The following YLPM1 variants were observed in gnomAD, a reference collection of about 807,000 sequenced individuals.
YLPM1 encodes YLP motif containing 1.
In YLPM1, 99 loss-of-function variants were observed where a neutral mutation model predicts 230.0. The observed-to-expected ratio is 0.43, with a 90% CI of 0.37 to 0.51. The LOEUF is 0.51. Among genes scored for constraint, YLPM1 ranks in the 20% least tolerant of loss-of-function variants. YLPM1 has a pLI of 0.00. For missense variants in YLPM1, 2,592 were observed against 2,707.7 expected, an observed-to-expected ratio of 0.96 and a Z score of 0.95; for synonymous variants, 984 against 942.5, an observed-to-expected ratio of 1.04 and a Z score of -0.81.
At chr14:74,830,876 C>T (rs761156589) in intron 19 of YLPM1, among the ~76,000 whole-genome samples, 4 of 152,158 alleles carry the variant, frequency 2.6e-5, no homozygotes, top group Non-Finnish European at 4.4e-5. Context: ...CTCCATGACC[C>T]AAACACCTTC....
Position 74,763,990 on chromosome 14 carries a change from A to G in YLPM1, c.501A>G (p.Pro167=). 1 of 1,420,322 alleles carries G rather than the reference A, an allele frequency of 7.0e-7. No homozygotes were observed. 88.0% of individuals were successfully genotyped at this position (1,420,322 alleles called of 1,614,324 possible). A position where few individuals can be genotyped will look rare whatever the true frequency, so the allele number is the denominator to read the frequency against. The stretch of plus-strand genomic sequence containing the variant: ...CCCCATCTCAGTCTTACATGCCCCC[A>G]CCTCAGCCGCCACCCTCTTACTACC... The part of the protein sequence containing the change: ...YMPPSQSYMP[P]PQPPPSYYPP... The change falls in exon 1 of 21, where the codon CCA becomes CCG. Residue 167 remains proline, a synonymous_variant. Transcript: ENST00000325680.
At chr14:74,816,394 C>A in intron 12 of YLPM1, 129 bp downstream of exon 12, 1 of 1,271,184 alleles carries the variant, frequency 7.9e-7, no homozygotes, top group Non-Finnish European at 1.1e-6. Flanking sequence ...ACAGTTGGCC[C>A]ATGTGGTAGA....
At chr14:74,777,399 C>A (rs903805685) in intron 1 of YLPM1, among the ~76,000 whole-genome samples, 1 of 151,372 alleles carries the variant, frequency 6.6e-6, no homozygotes, top group Non-Finnish European at 1.5e-5. Flanking sequence ...AACCCCATCT[C>A]TACTAAAAAT....
At chr14:74,787,557 G>A (rs1480424428) in intron 4 of YLPM1, among the ~76,000 whole-genome samples, 1 of 151,352 alleles carries the variant, frequency 6.6e-6, no homozygotes, top group Non-Finnish European at 1.5e-5. Context: ...GTGACAGAGC[G>A]AGAACGAGAT....
In YLPM1 at chr14:74,816,499, G is replaced by C. The variant is rs148984963; in HGVS notation, c.5566-72G>C. 1.7e-4 allele frequency: 255 copies of C among 1,520,410 alleles called. 3 individuals carry two copies. The African/African-American group carries it at 2.7e-3, about 16-fold the overall frequency. The allele number at this position is 1,520,410 out of a possible 1,614,324, so 94.2% of individuals were successfully genotyped here. A position where few individuals can be genotyped will look rare whatever the true frequency, so the allele number is the denominator to read the frequency against. ...AAGATTGTATATTATTTAGCCACAAGAGGGAACTTTGGTGTGAACATTAAT... is the reference window on the plus strand; with the variant it reads ...AAGATTGTATATTATTTAGCCACAACAGGGAACTTTGGTGTGAACATTAAT... On this transcript the variant is annotated intron_variant, in intron 12 of 20. Coordinates refer to ENST00000325680, the MANE Select transcript of YLPM1 (RefSeq NM_019589.3).
intron 11 of YLPM1, among the ~76,000 whole-genome samples, 161 bp downstream of exon 11, chr14:74,812,943 T>C (rs955090889): frequency 6.6e-5 from 10 of 152,228 alleles, no homozygotes; most frequent in African/African-American, 2.4e-4. Context: ...ATAAATGGCC[T>C]ACACTATAGA....
Position 74,764,102 on chromosome 14 carries a change from C to T in YLPM1, c.613C>T (p.Pro205Ser), listed in dbSNP as rs547801601. 6.2e-7 allele frequency: 1 copy of T among 1,613,430 alleles called. No individual in the cohort carries two copies. The highest frequency in any genetic ancestry group is 2.2e-5 in the East Asian group (1 of 44,858). Reference sequence around the variant, plus strand: ...TTCCCAATCCTACCTGGCGCCCACCCCTTCTTACTCATCCTCCTCCTCTTC... The same window carrying T: ...TTCCCAATCCTACCTGGCGCCCACCTCTTCTTACTCATCCTCCTCCTCTTC... Reference protein sequence around the residue: ...PPSQSYLAPTPSYSSSSSSSQ... With the variant: ...PPSQSYLAPTSSYSSSSSSSQ... The change falls in exon 1 of 21, where the codon CCT (proline) becomes TCT (serine). Residue 205 changes from proline (P) to serine (S), a missense_variant. By Grantham distance (74) the Pro-to-Ser change is moderately conservative. Transcript: ENST00000325680.
At chr14:74,783,475 G>A (rs2091115659) in intron 4 of YLPM1, among the ~76,000 whole-genome samples, 1 of 152,140 alleles carries the variant, frequency 6.6e-6, no homozygotes, top group Non-Finnish European at 1.5e-5. Flanking sequence ...TTACAGAAAA[G>A]TGTAGAAAAA....
chr14:74,795,039 CA>C lies in YLPM1; in HGVS notation c.2283-2537del, dbSNP rs1317093285. On this transcript the variant is annotated intron_variant, in intron 4 of 20. Transcript: ENST00000325680. Reference sequence around the variant, plus strand: ...ATTACTTCTGCTGTTTGCAGTTCTACAAAACCCTTTGCAATTTTCCGTGGAC... The same window carrying C: ...ATTACTTCTGCTGTTTGCAGTTCTACAAACCCTTTGCAATTTTCCGTGGAC... Among the ~76,000 whole-genome samples, 5 of 152,320 alleles carry C rather than the reference CA, an allele frequency of 3.3e-5. No homozygotes were observed. The East Asian group carries it at 9.6e-4, about 29-fold the overall frequency.
At chr14:74,766,977 G>A (rs1043523169) in intron 1 of YLPM1, among the ~76,000 whole-genome samples, 2 of 148,650 alleles carry the variant, frequency 1.3e-5, no homozygotes, top group Non-Finnish European at 3.0e-5. Context: ...TCTGCCTCCC[G>A]GGTTCAAGCG....
At chr14:74,765,245 T>G (rs894273958) in intron 1 of YLPM1, among the ~76,000 whole-genome samples, 2 of 152,208 alleles carry the variant, frequency 1.3e-5, no homozygotes, top group South Asian at 2.1e-4. Flanking sequence ...TCAATTGTTA[T>G]GATTTCCTAA....
At position 74,821,357 on chromosome 14, in the gene YLPM1, A is replaced by G. The variant is rs899139103; in HGVS notation, c.6111+220A>G. 6.3e-5 allele frequency: 35 copies of G among 552,124 alleles called. No homozygotes were observed. In the African/African-American group the frequency reaches 6.5e-4, roughly 10 times the overall value. The allele number at this position is 552,124 out of a possible 1,614,324, so 34.2% of individuals were successfully genotyped here. On this transcript the variant is annotated intron_variant, in intron 17 of 20. Coordinates refer to ENST00000325680, the MANE Select transcript of YLPM1 (RefSeq NM_019589.3). ...TAAGAGAAAGTTTTAACAGAGTGCT[A>G]AGAAACTTACCCTTGTACTCATCTA...
intron 4 of YLPM1, among the ~76,000 whole-genome samples, chr14:74,795,079 C>T (rs2091246497): frequency 6.6e-6 from 1 of 152,226 alleles, no homozygotes; most frequent in African/African-American, 2.4e-5. Flanking sequence ...AATCTCAGGA[C>T]ATGGGAAATA....
At position 74,835,061 on chromosome 14, in the gene YLPM1, T is replaced by C. The variant is rs41317302; in HGVS notation, c.6295-204T>C. 1,297 of 555,542 alleles carry C rather than the reference T, an allele frequency of 2.3e-3. 6 individuals carry two copies. The highest frequency in any genetic ancestry group is 2.5e-3 in the Non-Finnish European group (829 of 325,188). 34.4% of individuals were successfully genotyped at this position (555,542 alleles called of 1,614,324 possible). ...GAGCTGAACTGTTCAGGAGCTGGAA[T>C]GGTTAGGACTTGGATTGTCCAGAGA... is the stretch of plus-strand genomic sequence containing the variant. On this transcript the variant is annotated intron_variant, in intron 19 of 20. Transcript: ENST00000325680.
chr14:74,782,561 G>A (rs2140090740), intron 4 of YLPM1, among the ~76,000 whole-genome samples: 1 of 152,194 alleles, frequency 6.6e-6, no homozygotes, highest in East Asian at 1.9e-4. Flanking sequence ...AATGAATGTA[G>A]TATTGTAGAG....
chr14:74,764,224 A>G lies in YLPM1; in HGVS notation c.735A>G (p.Leu245=). 6.2e-7 allele frequency: 1 copy of G among 1,612,114 alleles called. No homozygotes were observed. Among genetic ancestry groups the G allele is most frequent in the Non-Finnish European group, 8.5e-7 (1 of 1,179,434 alleles). ...PSQGHSKSQL[L]APPPPSAPPG... is the part of the protein sequence containing the mutation. ...AGGGCCATTCTAAATCCCAACTACTAGCTCCACCACCACCGTCCGCCCCCC... is the reference window on the plus strand; with the variant it reads ...AGGGCCATTCTAAATCCCAACTACTGGCTCCACCACCACCGTCCGCCCCCC... Residue 245 remains leucine, a synonymous_variant, in exon 1 of 21, where the codon CTA becomes CTG. Coordinates refer to ENST00000325680, the MANE Select transcript of YLPM1 (RefSeq NM_019589.3).
At chr14:74,814,845 C>T (rs902493954) in intron 11 of YLPM1, among the ~76,000 whole-genome samples, 2 of 152,152 alleles carry the variant, frequency 1.3e-5, no homozygotes, top group South Asian at 2.1e-4. Context: ...GTCATCCAGG[C>T]TTAGGCTTTT....
intron 18 of YLPM1, 61 bp from the exon 19 acceptor site, chr14:74,829,152 T>C: frequency 6.3e-7 from 1 of 1,599,728 alleles, no homozygotes; most frequent in Admixed American, 1.7e-5. Flanking sequence ...TTCCCCTGTG[T>C]GTGTGTCGTG....
At chr14:74,822,193 G>A (rs1327023380) in intron 17 of YLPM1, 1 of 152,078 alleles carries the variant, frequency 6.6e-6, no homozygotes, top group African/African-American at 2.4e-5. Flanking sequence ...AATTTAAAAT[G>A]TAGGCAGGAT....
Sources: allele counts gnomAD v4.1 joint callset (sites outside exome capture counted in the v4.1 genomes callset), GRCh38; gene constraint gnomAD v4.1.1; transcripts MANE v1.5; gene names NCBI Gene and HGNC (gene_info 2026-07-23, HGNC 2026-07-21).